Variants in ATAD2B observed in about 807,000 individuals in gnomAD.
ATAD2B encodes ATPase family AAA domain-containing protein 2B.
In ATAD2B, 40 loss-of-function variants were observed where a neutral mutation model predicts 167.6. The ratio of observed to expected loss-of-function variants is 0.24; its 90% CI spans 0.19 to 0.31. The LOEUF (loss-of-function observed/expected upper bound fraction) is 0.31. Among genes scored for constraint, ATAD2B ranks in the 10% least tolerant of loss-of-function variants. ATAD2B has a pLI of 1.00. For synonymous variants in ATAD2B, 579 were observed against 596.5 expected, an observed-to-expected ratio of 0.97 and a Z score of 0.43; for missense variants, 1,242 against 1,757.2, an observed-to-expected ratio of 0.71 and a Z score of 5.24.
chr2:23,684,737 C>T, the ATAD2B span, among the ~76,000 whole-genome samples: 4 of 152,188 alleles, frequency 2.6e-5, no homozygotes, highest in East Asian at 1.9e-4. This position sits in a 1 kb window ranked among gnomAD's most constrained non-coding sequence, Gnocchi z 4.4. Flanking sequence ...GCCCAGCACC[C>T]GCCCCCACCC....
chr2:23,870,329 C>A (rs1435969393), intron 8 of ATAD2B, among the ~76,000 whole-genome samples: 2 of 143,706 alleles, frequency 1.4e-5, no homozygotes, highest in Admixed American at 1.4e-4. Flanking sequence ...CTCTGTCACC[C>A]AGGCTGGAGT....
the ATAD2B span, among the ~76,000 whole-genome samples, chr2:23,733,210 T>C: frequency 8.5e-5 from 13 of 152,170 alleles, no homozygotes; most frequent in Admixed American, 1.3e-4. Context: ...CTCCTTCCCT[T>C]TTTCCTCAAA....
chr2:23,711,372 T>TTTTTTTTTTTTTC, the ATAD2B span, among the ~76,000 whole-genome samples: 1 of 31,278 alleles, frequency 3.2e-5, no homozygotes, highest in African/African-American at 7.8e-5. Flanking sequence ...TTTTTTTTTT[T>TTTTTTTTTTTTTC]TTTTTTTTTT....
chr2:23,731,179 C>T, the ATAD2B span, among the ~76,000 whole-genome samples: 1 of 151,932 alleles, frequency 6.6e-6, no homozygotes, highest in Non-Finnish European at 1.5e-5. Context: ...CAAATTAACT[C>T]ATCACCTTTG....
chr2:23,725,695 C>T, the ATAD2B span, among the ~76,000 whole-genome samples: 38 of 151,998 alleles, frequency 2.5e-4, no homozygotes, highest in African/African-American at 8.7e-4. Context: ...TTAAATAATC[C>T]GAAAGAATCC....
At chr2:23,694,577 ATGAGCT>A in the ATAD2B span, among the ~76,000 whole-genome samples, 45 of 152,326 alleles carry the variant, frequency 3.0e-4, no homozygotes, top group Middle Eastern at 3.4e-3. Flanking sequence ...GAGCATGAGC[ATGAGCT>A]GGCCTCCCCA....
chr2:23,701,793 C>CTT, the ATAD2B span, among the ~76,000 whole-genome samples: 46 of 22,532 alleles, frequency 2.0e-3, 1 homozygote, highest in East Asian at 4.9e-3. Flanking sequence ...CTTTTTTTTG[C>CTT]TTTTTTTTTT....
At chr2:23,883,729 T>TA (rs994401688) in intron 6 of ATAD2B, 7 of 565,724 alleles carry the variant, frequency 1.2e-5, no homozygotes, top group East Asian at 7.6e-5. Context: ...ACAGAATTTT[T>TA]AAAAAACATA....
chr2:23,817,519 A>T (rs1686636983), intron 17 of ATAD2B, among the ~76,000 whole-genome samples: 1 of 152,198 alleles, frequency 6.6e-6, no homozygotes, highest in South Asian at 2.1e-4. Flanking sequence ...CTTCCAGCAG[A>T]ATTAGTTCTG....
At chr2:23,769,550 A>G (rs1572678546) in intron 22 of ATAD2B, among the ~76,000 whole-genome samples, 1 of 152,078 alleles carries the variant, frequency 6.6e-6, no homozygotes, top group East Asian at 1.9e-4. Context: ...TATGTTAAAC[A>G]TTCTAAGAAA....
At chr2:23,773,293 G>A (rs938401019) in intron 22 of ATAD2B, among the ~76,000 whole-genome samples, 1 of 152,048 alleles carries the variant, frequency 6.6e-6, no homozygotes, top group Non-Finnish European at 1.5e-5. Context: ...ATTGCTTGAG[G>A]CCAGGAGTTT....
chr2:23,721,276 G>A, the ATAD2B span, among the ~76,000 whole-genome samples: 1 of 152,204 alleles, frequency 6.6e-6, no homozygotes, highest in Non-Finnish European at 1.5e-5. Context: ...CCTGCTTAAT[G>A]GCCCTATGCC....
At chr2:23,875,558 TA>T (rs1216272923) in intron 8 of ATAD2B, among the ~76,000 whole-genome samples, 1 of 151,880 alleles carries the variant, frequency 6.6e-6, no homozygotes, top group African/African-American at 2.4e-5. Flanking sequence ...AAAGCATAAT[TA>T]GGGGGAAAAA....
chr2:23,691,829 G>C, the ATAD2B span: 1 of 1,551,542 alleles, frequency 6.4e-7, no homozygotes, highest in Non-Finnish European at 8.7e-7. Flanking sequence ...GAGGCGGCCA[G>C]CAAGTTCCAG....
At chr2:23,848,132 A>G (rs1461588550) in intron 13 of ATAD2B, among the ~76,000 whole-genome samples, 1 of 152,188 alleles carries the variant, frequency 6.6e-6, no homozygotes, top group African/African-American at 2.4e-5. Context: ...GATAGAGAGC[A>G]CCAGAAATGG....
chr2:23,678,323 G>A, the ATAD2B span, among the ~76,000 whole-genome samples: 6 of 152,278 alleles, frequency 3.9e-5, no homozygotes, highest in Non-Finnish European at 8.8e-5. Context: ...GGTTTGAGAC[G>A]GGTCGTTAGA....
intron 22 of ATAD2B, among the ~76,000 whole-genome samples, chr2:23,767,360 G>A (rs1173829190): frequency 6.6e-6 from 1 of 152,062 alleles, no homozygotes; most frequent in Admixed American, 6.6e-5. Context: ...CATGCATCAG[G>A]GATAATAAAC....
intron 15 of ATAD2B, among the ~76,000 whole-genome samples, chr2:23,824,032 T>A (rs1687871026): frequency 6.6e-6 from 1 of 152,146 alleles, no homozygotes; most frequent in Admixed American, 6.5e-5. Context: ...CACTGCAACC[T>A]CTACCTCCCA....
the ATAD2B span, chr2:23,703,475 A>G: frequency 8.4e-7 from 1 of 1,188,920 alleles, no homozygotes; most frequent in African/African-American, 1.5e-5. Flanking sequence ...GGCTAAGCCC[A>G]ACAGCTCTGC....
Sources: gnomAD v4.1 joint callset for allele counts (sites outside exome capture counted in the v4.1 genomes callset) on GRCh38, gnomAD v4.1.1 for gene constraint, Gnocchi (gnomAD v3.1) non-coding constraint, MANE v1.5 for transcripts, NCBI Gene and HGNC (gene_info 2026-07-23, HGNC 2026-07-21) for gene names.